ATG7: variants seen among roughly 807,000 people sequenced by gnomAD.
ATG7 encodes ubiquitin-like modifier-activating enzyme ATG7.
In ATG7, 70 loss-of-function variants were observed where a neutral mutation model predicts 82.4. That is an observed-to-expected ratio of 0.85 (90% CI 0.70 to 1.04). ATG7 has a LOEUF of 1.04. Ranked by LOEUF, ATG7 falls within the 50% of genes least tolerant of loss-of-function variation. The pLI is 0.00. For missense variants in ATG7, 792 were observed against 864.3 expected, an observed-to-expected ratio of 0.92 and a Z score of 1.05; for synonymous variants, 287 against 313.0, an observed-to-expected ratio of 0.92 and a Z score of 0.88.
downstream of ATG7, among the ~76,000 whole-genome samples, chr3:11,561,735 C>A (rs2164426): frequency 0.016 from 2,385 of 152,150 alleles, 111 homozygotes; most frequent in East Asian, 0.17. Flanking sequence ...AGTTACGCTG[C>A]GGATTTGTGG....
the ATG7 span, chr3:11,568,721 G>A: frequency 6.2e-5 from 96 of 1,544,962 alleles, no homozygotes; most frequent in Non-Finnish European, 7.9e-5. This position sits in a 1 kb window ranked among gnomAD's most constrained non-coding sequence, Gnocchi z 5.9. Flanking sequence ...TGTGCTCCCG[G>A]GGACGGCAGA....
chr3:11,291,452 A>C (rs1319413512), intron 3 of ATG7, among the ~76,000 whole-genome samples: 1 of 152,230 alleles, frequency 6.6e-6, no homozygotes. Context: ...TGAAGCTAGC[A>C]GACCCGGGTT....
intron 19 of ATG7, 88 bp downstream of exon 19, chr3:11,380,140 C>T (rs1333273257): frequency 7.9e-7 from 1 of 1,264,872 alleles, no homozygotes; most frequent in Non-Finnish European, 1.2e-6. Context: ...GCCCTTGAAA[C>T]CAACTAAGGG....
chr3:11,304,634 T>G (rs1947416102), intron 5 of ATG7: 1 of 152,216 alleles, frequency 6.6e-6, no homozygotes, highest in African/African-American at 2.4e-5. Flanking sequence ...AAATAACTGG[T>G]GCAACACAGC....
At chr3:11,331,046 A>ATCT (rs921868398) in intron 9 of ATG7, among the ~76,000 whole-genome samples, 1 of 152,032 alleles carries the variant, frequency 6.6e-6, no homozygotes, top group Non-Finnish European at 1.5e-5. Context: ...TTCATTCCCC[A>ATCT]TCTTCCTTCC....
intron 3 of ATG7, among the ~76,000 whole-genome samples, chr3:11,282,639 A>G (rs894234273): frequency 3.9e-5 from 6 of 152,230 alleles, no homozygotes; most frequent in African/African-American, 1.4e-4. Flanking sequence ...TTCTGTACCC[A>G]GCTGGTTTCC....
rs747088283 is a variant in ATG7, at chr3:11,379,969, T to C, written c.1876-3T>C. On this transcript the variant is annotated splice_region_variant and splice_polypyrimidine_tract_variant and intron_variant, in intron 18 of 20. Transcript: ENST00000693202. ...TGAATTGTTTTGTTTTGTTTGTTTTTAGATCCGGGGATTTCTTTCACGGTT... is the reference window on the plus strand; with the variant it reads ...TGAATTGTTTTGTTTTGTTTGTTTTCAGATCCGGGGATTTCTTTCACGGTT... The C allele has an allele frequency of 1.5e-5, 25 of 1,613,994 alleles. No homozygotes were observed. The highest frequency in any genetic ancestry group is 2.0e-5 in the Non-Finnish European group (24 of 1,179,912).
chr3:11,469,726 C>A (rs931293173), intron 20 of ATG7, among the ~76,000 whole-genome samples: 2 of 151,456 alleles, frequency 1.3e-5, no homozygotes, highest in African/African-American at 4.9e-5. Context: ...TGGCTCCTGT[C>A]TGTAATCCTA....
At chr3:11,307,437 A>G (rs571736796) in intron 6 of ATG7, among the ~76,000 whole-genome samples, 1 of 152,292 alleles carries the variant, frequency 6.6e-6, no homozygotes, top group South Asian at 2.1e-4. Context: ...AGGCTTGGCA[A>G]TCCTGTGCAC....
chr3:11,544,082 C>T (rs1238926239), intron 20 of ATG7, among the ~76,000 whole-genome samples: 2 of 152,236 alleles, frequency 1.3e-5, no homozygotes, highest in African/African-American at 4.8e-5. Context: ...TCTGCCCGCA[C>T]CAGCAGTCTG....
At chr3:11,463,049 C>T (rs2086491512) in intron 20 of ATG7, among the ~76,000 whole-genome samples, 1 of 151,944 alleles carries the variant, frequency 6.6e-6, no homozygotes, top group Non-Finnish European at 1.5e-5. Flanking sequence ...TCATGCCCAG[C>T]TAATTTTGAA....
chr3:11,425,345 G>A (rs1272049840), intron 19 of ATG7, among the ~76,000 whole-genome samples: 2 of 152,054 alleles, frequency 1.3e-5, no homozygotes, highest in Non-Finnish European at 2.9e-5. Flanking sequence ...TCTTAAAAGT[G>A]GAATTGCTAG....
rs1038647889 is a variant in ATG7, at chr3:11,397,709, G to A, written c.1956+17657G>A. On this transcript the variant is annotated intron_variant, in intron 19 of 20. Coordinates refer to ENST00000693202, the MANE Select transcript of ATG7 (RefSeq NM_001349232.2). ...TGACCTCAAGTGATCCGCCCACCTCGGCCTCCCAGAGTGCTGGGATTACAG... is the reference window on the plus strand; with the variant it reads ...TGACCTCAAGTGATCCGCCCACCTCAGCCTCCCAGAGTGCTGGGATTACAG... 1.4e-4 allele frequency among the ~76,000 whole-genome samples: 20 copies of A among 139,124 alleles called. No homozygotes were observed. The South Asian group carries it at 4.2e-3, about 29-fold the overall frequency. 91.3% of individuals were successfully genotyped at this position (139,124 alleles called of 152,430 possible). A position where few individuals can be genotyped will look rare whatever the true frequency, so the allele number is the denominator to read the frequency against.
At chr3:11,326,273 A>C (rs1271497028) in intron 9 of ATG7, among the ~76,000 whole-genome samples, 4 of 145,244 alleles carry the variant, frequency 2.8e-5, no homozygotes, top group Non-Finnish European at 6.1e-5. Context: ...CACTTGATAG[A>C]GTTGTAAATG....
intron 6 of ATG7, 146 bp downstream of exon 6, chr3:11,307,206 G>C: frequency 1.3e-6 from 1 of 768,906 alleles, no homozygotes; most frequent in South Asian, 1.6e-5. Flanking sequence ...TATTTCTCCA[G>C]AGAGAATACT....
intron 17 of ATG7, chr3:11,363,234 C>T (rs575881970): frequency 2.4e-4 from 46 of 190,782 alleles, no homozygotes; most frequent in African/African-American, 9.4e-4. Flanking sequence ...ATTTTGCCTC[C>T]TTCAATCTTT....
intron 20 of ATG7, among the ~76,000 whole-genome samples, chr3:11,511,765 G>C (rs2454488): frequency 6.6e-6 from 1 of 152,048 alleles, no homozygotes; most frequent in Non-Finnish European, 1.5e-5. Flanking sequence ...AAGGCCCAGC[G>C]AGAAATCGAG....
At chr3:11,499,607 TGTG>T (rs1223991490) in intron 20 of ATG7, among the ~76,000 whole-genome samples, 6 of 151,648 alleles carry the variant, frequency 4.0e-5, no homozygotes, top group African/African-American at 1.2e-4. Context: ...ATTAGACAGG[TGTG>T]GTGGTGCACA....
chr3:11,443,345 TA>T (rs1392858887), intron 20 of ATG7, among the ~76,000 whole-genome samples: 1 of 152,218 alleles, frequency 6.6e-6, no homozygotes, highest in African/African-American at 2.4e-5. Flanking sequence ...AAGGAGATTA[TA>T]TAAATGAAAG....
Sources: gnomAD v4.1 joint callset for allele counts (sites outside exome capture counted in the v4.1 genomes callset) on GRCh38, gnomAD v4.1.1 for gene constraint, Gnocchi (gnomAD v3.1) non-coding constraint, MANE v1.5 for transcripts, NCBI Gene and HGNC (gene_info 2026-07-23, HGNC 2026-07-21) for gene names.